The following IQCH variants were observed in gnomAD, a reference collection of about 807,000 sequenced individuals.
The protein encoded by IQCH is IQ domain-containing protein H.
A neutral mutation model predicts 117.0 loss-of-function variants in IQCH; 98 were observed. That is an observed-to-expected ratio of 0.84 (90% CI 0.71 to 0.99). The LOEUF (loss-of-function observed/expected upper bound fraction) is 0.99. Among genes scored for constraint, IQCH ranks in the 50% least tolerant of loss-of-function variants. The pLI is 0.00. For synonymous variants in IQCH, 412 were observed against 448.2 expected (o/e 0.92, Z 1.02); for missense variants, 1,102 against 1,243.8 (o/e 0.89, Z 1.72).
intron 14 of IQCH, among the ~76,000 whole-genome samples, chr15:67,412,362 A>C (rs957316501): frequency 6.6e-6 from 1 of 152,004 alleles, no homozygotes; most frequent in African/African-American, 2.4e-5. Flanking sequence ...AATGCAAAGC[A>C]AAAAAAACTT....
intron 4 of IQCH, among the ~76,000 whole-genome samples, chr15:67,302,133 C>A (rs964159205): frequency 2.0e-5 from 3 of 152,110 alleles, no homozygotes; most frequent in Non-Finnish European, 4.4e-5. Context: ...AGCCAATAAT[C>A]CCATAATTAA....
intron 4 of IQCH, among the ~76,000 whole-genome samples, chr15:67,324,522 A>T (rs1423930819): frequency 6.7e-6 from 1 of 149,850 alleles, no homozygotes; most frequent in Non-Finnish European, 1.5e-5. Flanking sequence ...AGACAGGAGA[A>T]TTGCTTGAAC....
chr15:67,302,327 T>A (rs1361139070), intron 4 of IQCH, among the ~76,000 whole-genome samples: 2 of 151,984 alleles, frequency 1.3e-5, no homozygotes, highest in African/African-American at 2.4e-5. Context: ...AAGGAAAAAA[T>A]TATGTTCAGG....
In IQCH at chr15:67,356,902, A is replaced by G. The variant is rs1284304617; in HGVS notation, c.638-443A>G. On this transcript the variant is annotated intron_variant, in intron 6 of 20. Coordinates refer to ENST00000335894, the MANE Select transcript of IQCH (RefSeq NM_001031715.3). The surrounding 1 kb of genome is among the most constrained non-coding windows in gnomAD (Gnocchi z 5.3). Reference sequence around the variant, plus strand: ...GCTTTTCACTTGTGTCACTTCCCTCAGTCATTTAAATTTTTTAGAATCTTT... The same window carrying G: ...GCTTTTCACTTGTGTCACTTCCCTCGGTCATTTAAATTTTTTAGAATCTTT... Among the ~76,000 whole-genome samples the G allele has an allele frequency of 6.6e-6, 1 of 152,196 alleles. No individual in the cohort carries two copies. The highest frequency in any genetic ancestry group is 2.4e-5 in the African/African-American group (1 of 41,440).
chr15:67,286,249 T>G (rs1332498297), intron 4 of IQCH, among the ~76,000 whole-genome samples: 1 of 152,240 alleles, frequency 6.6e-6, no homozygotes, highest in Non-Finnish European at 1.5e-5. Context: ...TGTGGGCTTA[T>G]AGAAATGCTA....
rs190935611 is a variant in IQCH, at chr15:67,340,352, C to T, written c.508+3257C>T. On this transcript the variant is annotated intron_variant, in intron 5 of 20. Transcript: ENST00000335894. ...CTGAGGCATGAGAATTGCTTGAACC[C>T]GGGAGGCAGAGGTACAGTGAATCAA... 2.2e-3 allele frequency among the ~76,000 whole-genome samples: 305 copies of T among 137,876 alleles called. 1 individual carries two copies. Among genetic ancestry groups the T allele is most frequent in the Non-Finnish European group, 1.3e-3 (87 of 65,572 alleles). 90.5% of individuals were successfully genotyped at this position (137,876 alleles called of 152,430 possible).
At chr15:67,312,165 T>C (rs1967627078) in intron 4 of IQCH, among the ~76,000 whole-genome samples, 1 of 152,146 alleles carries the variant, frequency 6.6e-6, no homozygotes, top group Admixed American at 6.6e-5. Context: ...CAGAGACCTG[T>C]GTCACATCTA....
intron 16 of IQCH, among the ~76,000 whole-genome samples, chr15:67,437,326 T>C (rs1596374295): frequency 6.6e-6 from 1 of 152,214 alleles, no homozygotes; most frequent in South Asian, 2.1e-4. Context: ...GCATTTCAGC[T>C]CACAGGAAGC....
chr15:67,330,036 C>G (rs1367104720), intron 4 of IQCH, among the ~76,000 whole-genome samples: 1 of 151,888 alleles, frequency 6.6e-6, no homozygotes, highest in Non-Finnish European at 1.5e-5. Flanking sequence ...TCTGACTGCT[C>G]TGACCTCCTG....
chr15:67,288,608 TC>T (rs1200362839), intron 4 of IQCH, among the ~76,000 whole-genome samples: 1 of 152,124 alleles, frequency 6.6e-6, no homozygotes, highest in African/African-American at 2.4e-5. Context: ...CTTTTTCCAT[TC>T]TTTTATTTTT....
intron 8 of IQCH, among the ~76,000 whole-genome samples, chr15:67,361,961 T>A (rs1476727466): frequency 2.0e-5 from 3 of 152,150 alleles, no homozygotes; most frequent in African/African-American, 7.2e-5. Flanking sequence ...TAATTAATAT[T>A]TTGATAATAA....
intron 6 of IQCH, among the ~76,000 whole-genome samples, chr15:67,355,589 C>CAA (rs768207650): frequency 3.2e-5 from 4 of 123,998 alleles, no homozygotes; most frequent in Admixed American, 8.5e-5. Flanking sequence ...GTCTCCATCT[C>CAA]AAAAAAAAAA....
intron 4 of IQCH, among the ~76,000 whole-genome samples, chr15:67,316,130 T>G (rs1177929600): frequency 6.6e-6 from 1 of 152,154 alleles, no homozygotes; most frequent in African/African-American, 2.4e-5. Context: ...ACCTAACCAC[T>G]TTAAGATTGT....
intron 18 of IQCH, 146 bp from the exon 19 acceptor site, chr15:67,489,857 T>G: frequency 1.4e-6 from 1 of 708,664 alleles, no homozygotes; most frequent in South Asian, 1.6e-5. Context: ...GAGGCAGCCT[T>G]TCCAAATGTG....
At position 67,475,781 on chromosome 15, in the gene IQCH, AGATCTG is replaced by A. The variant is rs1276338751; in HGVS notation, c.2763_2768del (p.Gln921_Cys923delinsHis). ...CTGGTTTTCCACTATGTTTTTCTCCAGATCTGTAGGGCCCATGGCATTGGCTATGAT... is the reference window on the plus strand; with the variant it reads ...CTGGTTTTCCACTATGTTTTTCTCCATAGGGCCCATGGCATTGGCTATGAT... On this transcript the variant is annotated inframe_deletion, in exon 18 of 21. Transcript: ENST00000335894. The surrounding 1 kb of genome is among the most constrained non-coding windows in gnomAD (Gnocchi z 5.7). 2 of 1,614,194 alleles carry A rather than the reference AGATCTG, an allele frequency of 1.2e-6. No homozygotes were observed. The highest frequency in any genetic ancestry group is 2.2e-5 in the East Asian group (1 of 44,888).
Position 67,385,586 on chromosome 15 carries a change from G to GT in IQCH, c.1456+569dup, listed in dbSNP as rs1166585969. 6.6e-6 allele frequency among the ~76,000 whole-genome samples: 1 copy of GT among 152,134 alleles called. No individual in the cohort carries two copies. Among genetic ancestry groups the GT allele is most frequent in the Non-Finnish European group, 1.5e-5 (1 of 68,030 alleles). ...ATGTATACATCTTTGTAAAAGTCAG[G>GT]TTCTGATACTGGTTTGGTCAGTTCT... On this transcript the variant is annotated intron_variant, in intron 11 of 20. Transcript: ENST00000335894. The surrounding 1 kb of genome is among the most constrained non-coding windows in gnomAD (Gnocchi z 4.6).
intron 4 of IQCH, among the ~76,000 whole-genome samples, chr15:67,308,319 G>T (rs1596149332): frequency 6.6e-6 from 1 of 152,156 alleles, no homozygotes; most frequent in East Asian, 1.9e-4. Flanking sequence ...GAGTTTGAGG[G>T]AGCCAGCAGA....
chr15:67,276,272 G>A (rs1013097973), intron 3 of IQCH, among the ~76,000 whole-genome samples: 1 of 152,174 alleles, frequency 6.6e-6, no homozygotes, highest in Non-Finnish European at 1.5e-5. Flanking sequence ...TTCTGGGAAG[G>A]TGGTGACATA....
rs1393897677 is a variant in IQCH at position 67,431,780 on chromosome 15, A to G, written c.2505+10203A>G. Among the ~76,000 whole-genome samples the G allele has an allele frequency of 6.6e-6, 1 of 152,196 alleles. No homozygotes were observed. The highest frequency in any genetic ancestry group is 1.5e-5 in the Non-Finnish European group (1 of 68,034). ...TGTAGCCTCTTGTTTCTTGAGGAGC[A>G]TGGTGATCTGGCTTTTACCAAATAA... On this transcript the variant is annotated intron_variant, in intron 16 of 20. Transcript: ENST00000335894. The surrounding 1 kb of genome is among the most constrained non-coding windows in gnomAD (Gnocchi z 4.8).
Sources: gnomAD v4.1 joint callset for allele counts (sites outside exome capture counted in the v4.1 genomes callset) on GRCh38, gnomAD v4.1.1 for gene constraint, Gnocchi (gnomAD v3.1) non-coding constraint, MANE v1.5 for transcripts, NCBI Gene and HGNC (gene_info 2026-07-23, HGNC 2026-07-21) for gene names.